Variants in SLC36A1 observed in about 807,000 individuals in gnomAD.
SLC36A1 encodes the protein solute carrier family 36 member 1.
SLC36A1 carries 30 observed loss-of-function variants against 47.5 expected under a neutral mutation model. The observed-to-expected ratio is 0.63, with a 90% CI of 0.47 to 0.86. The LOEUF (loss-of-function observed/expected upper bound fraction) is 0.86, where lower values mean the gene tolerates loss of function less well. Among genes scored for constraint, SLC36A1 ranks in the 40% least tolerant of loss-of-function variants. The pLI is 0.00. For synonymous variants in SLC36A1, 255 were observed against 249.7 expected, an observed-to-expected ratio of 1.02 and a Z score of -0.20; for missense variants, 517 against 606.0, an observed-to-expected ratio of 0.85 and a Z score of 1.54.
chr5:151,347,548 C>G, the SLC36A1 span: 1 of 1,528,862 alleles, frequency 6.5e-7, no homozygotes, highest in Non-Finnish European at 9.0e-7. Flanking sequence ...TAGATGTACA[C>G]CCCAGCACAG....
intron 1 of SLC36A1, among the ~76,000 whole-genome samples, chr5:151,452,729 G>C (rs1273646257): frequency 6.6e-6 from 1 of 151,782 alleles, no homozygotes; most frequent in African/African-American, 2.4e-5. Context: ...AATTATCTGG[G>C]CATGGTGATG....
chr5:151,465,411 A>G (rs1175802039), intron 5 of SLC36A1, among the ~76,000 whole-genome samples: 1 of 152,182 alleles, frequency 6.6e-6, no homozygotes, highest in Non-Finnish European at 1.5e-5. Context: ...TGGTCTCTAG[A>G]GCCATTCCAG....
chr5:151,355,517 A>G, the SLC36A1 span, among the ~76,000 whole-genome samples: 3 of 152,222 alleles, frequency 2.0e-5, no homozygotes, highest in Non-Finnish European at 4.4e-5. Flanking sequence ...TCACACACGT[A>G]TACCCCAGGG....
the SLC36A1 span, chr5:151,380,910 C>T: frequency 5.7e-4 from 233 of 410,154 alleles, 4 homozygotes; most frequent in African/African-American, 3.1e-4. Flanking sequence ...CACCTGATGC[C>T]GCAAGCATTG....
the SLC36A1 span, among the ~76,000 whole-genome samples, chr5:151,518,137 C>T: frequency 6.6e-6 from 1 of 152,128 alleles, no homozygotes; most frequent in Admixed American, 6.5e-5. Context: ...TCGAGACCAG[C>T]CTGGGCAACA....
rs750226126 is a variant in SLC36A1, at chr5:151,479,467, C to T, written c.1137C>T (p.Arg379=). The change falls in exon 10 of 11, where the codon CGC becomes CGT. Residue 379 remains arginine (R), a synonymous_variant. Coordinates refer to ENST00000243389, the MANE Select transcript of SLC36A1 (RefSeq NM_078483.4). ...AGTTAGTGGTGGACCTGTTTGTGCG[C>T]ACAGTGCTGGTCTGCCTGACATGTG... ...HCELVVDLFV[R]TVLVCLTCIL... is the part of the protein sequence containing the mutation. The T allele has an allele frequency of 1.1e-5, 17 of 1,614,110 alleles. No individual in the cohort carries two copies. In the East Asian group the frequency reaches 3.3e-4, roughly 32 times the overall value.
At chr5:151,346,357 G>T in the SLC36A1 span, among the ~76,000 whole-genome samples, 1 of 152,130 alleles carries the variant, frequency 6.6e-6, no homozygotes, top group African/African-American at 2.4e-5. Context: ...ATGGCTGTGG[G>T]GAGGGGCTTT....
At chr5:151,443,324 A>G (rs1316289334), upstream of SLC36A1, among the ~76,000 whole-genome samples, 1 of 152,108 alleles carries the variant, frequency 6.6e-6, no homozygotes, top group East Asian at 1.9e-4. Flanking sequence ...ATCCTCACCA[A>G]TATTTGTTGT....
At chr5:151,432,428 C>T (rs1237657116), upstream of SLC36A1, among the ~76,000 whole-genome samples, 2 of 152,152 alleles carry the variant, frequency 1.3e-5, no homozygotes, top group Non-Finnish European at 2.9e-5. Flanking sequence ...GCTGTTTTTG[C>T]AGGCCTCTGA....
chr5:151,347,097 G>A, the SLC36A1 span, among the ~76,000 whole-genome samples: 1 of 152,180 alleles, frequency 6.6e-6, no homozygotes, highest in Admixed American at 6.5e-5. Context: ...TTTGGGATCT[G>A]GATCACTATG....
the SLC36A1 span, chr5:151,554,423 A>G: frequency 1.6e-3 from 2,595 of 1,614,186 alleles, 30 homozygotes; most frequent in African/African-American, 0.03. Context: ...ACCTGTGACC[A>G]GGTCGATACT....
At chr5:151,520,122 T>A in the SLC36A1 span, among the ~76,000 whole-genome samples, 1 of 152,230 alleles carries the variant, frequency 6.6e-6, no homozygotes, top group Non-Finnish European at 1.5e-5. Context: ...GAGTGGTCCC[T>A]GGACAAAGTC....
chr5:151,466,840 C>T (rs1433479371), intron 5 of SLC36A1, among the ~76,000 whole-genome samples: 2 of 152,066 alleles, frequency 1.3e-5, no homozygotes, highest in Admixed American at 6.6e-5. Context: ...AGGAAGGGGA[C>T]GTCGGAAACC....
chr5:151,437,940 C>A (rs1046285359), intron 1 of SLC36A1, among the ~76,000 whole-genome samples: 1 of 152,034 alleles, frequency 6.6e-6, no homozygotes, highest in Non-Finnish European at 1.5e-5. Flanking sequence ...TGGCTCATGG[C>A]GTCTTCCTCC....
the SLC36A1 span, chr5:151,532,047 C>CTCCTG: frequency 6.4e-7 from 1 of 1,557,786 alleles, no homozygotes; most frequent in Non-Finnish European, 8.7e-7. Flanking sequence ...CCTGCAGCCA[C>CTCCTG]AGGAGGGGCT....
the SLC36A1 span, chr5:151,505,709 G>A: frequency 1.2e-5 from 20 of 1,613,884 alleles, no homozygotes; most frequent in Non-Finnish European, 1.6e-5. Flanking sequence ...CAGCTCGGCT[G>A]AGGCGCATAC....
chr5:151,354,485 T>C, the SLC36A1 span, among the ~76,000 whole-genome samples: 8 of 152,198 alleles, frequency 5.3e-5, no homozygotes, highest in African/African-American at 1.7e-4. Flanking sequence ...TTCAGCCAAG[T>C]CTTTGTACTC....
intron 1 of SLC36A1, among the ~76,000 whole-genome samples, chr5:151,457,461 G>A (rs1159425535): frequency 2.0e-5 from 3 of 151,796 alleles, no homozygotes; most frequent in African/African-American, 4.8e-5. Flanking sequence ...ATCCACCCAG[G>A]GGACACCACT....
At chr5:151,408,433 C>T in the SLC36A1 span, among the ~76,000 whole-genome samples, 76 of 152,192 alleles carry the variant, frequency 5.0e-4, no homozygotes, top group Non-Finnish European at 8.8e-4. Context: ...GTGATCTGCC[C>T]GCCTCGGCCT....
Sources: allele counts gnomAD v4.1 joint callset (sites outside exome capture counted in the v4.1 genomes callset), GRCh38; gene constraint gnomAD v4.1.1; transcripts MANE v1.5; gene names NCBI Gene and HGNC (gene_info 2026-07-23, HGNC 2026-07-21).